The following FAM219A variants were observed in gnomAD, a reference collection of about 807,000 sequenced individuals.
FAM219A encodes the protein protein FAM219A.
A neutral mutation model predicts 23.4 loss-of-function variants in FAM219A; 7 were observed. The ratio of observed to expected loss-of-function variants is 0.30; its 90% CI spans 0.17 to 0.56. The LOEUF is 0.56. Among genes scored for constraint, FAM219A ranks in the 20% least tolerant of loss-of-function variants. The probability of loss-of-function intolerance (pLI) is 0.92; values close to 1 mark genes in which losing one functional copy is unlikely to be tolerated. For missense variants in FAM219A, 166 were observed against 246.9 expected, an observed-to-expected ratio of 0.67 and a Z score of 2.20; for synonymous variants, 93 against 99.0, an observed-to-expected ratio of 0.94 and a Z score of 0.36.
chr9:34,432,316 C>A (rs1822743873), intron 1 of FAM219A, among the ~76,000 whole-genome samples: 1 of 152,182 alleles, frequency 6.6e-6, no homozygotes. Flanking sequence ...ACATCCACCA[C>A]CCTCACCTCT....
chr9:34,405,475 G>C (rs1821600009), intron 2 of FAM219A, among the ~76,000 whole-genome samples: 1 of 152,182 alleles, frequency 6.6e-6, no homozygotes, highest in Non-Finnish European at 1.5e-5. Flanking sequence ...CGGCTTCTAG[G>C]GTTGGAACTC....
At chr9:34,433,850 T>C (rs552250829) in intron 1 of FAM219A, among the ~76,000 whole-genome samples, 2 of 152,100 alleles carry the variant, frequency 1.3e-5, no homozygotes, top group Middle Eastern at 3.4e-3. Flanking sequence ...GTGAATCAAG[T>C]AGGAAATAAG....
At chr9:34,419,336 C>A (rs143487440) in intron 1 of FAM219A, among the ~76,000 whole-genome samples, 6 of 150,656 alleles carry the variant, frequency 4.0e-5, no homozygotes, top group Non-Finnish European at 8.9e-5. Context: ...GGGAGTTGGA[C>A]GGGGCTGGGG....
chr9:34,402,136 A>C (rs1821464839), intron 4 of FAM219A: 1 of 1,446,418 alleles, frequency 6.9e-7, no homozygotes, highest in South Asian at 1.5e-5. Context: ...CCAATTAGGG[A>C]CAACCATTGG....
chr9:34,427,619 A>G, intron 1 of FAM219A, among the ~76,000 whole-genome samples: 1 of 152,246 alleles, frequency 6.6e-6, no homozygotes, highest in East Asian at 1.9e-4. Context: ...ATGAAAGGCC[A>G]TAATCTGAAA....
At chr9:34,445,632 G>A (rs1281611668) in intron 1 of FAM219A, among the ~76,000 whole-genome samples, 2 of 152,182 alleles carry the variant, frequency 1.3e-5, no homozygotes, top group Non-Finnish European at 2.9e-5. Context: ...AGGGGTAAAA[G>A]CCTAGTGTAG....
chr9:34,403,356 G>A (rs191512173), intron 2 of FAM219A, among the ~76,000 whole-genome samples: 1 of 152,338 alleles, frequency 6.6e-6, no homozygotes, highest in East Asian at 1.9e-4. Context: ...CTAAGGGGCC[G>A]AAGACCCTCT....
At chr9:34,433,244 G>A (rs1485087096) in intron 1 of FAM219A, among the ~76,000 whole-genome samples, 1 of 152,118 alleles carries the variant, frequency 6.6e-6, no homozygotes. Flanking sequence ...TTTGGCCATT[G>A]AGAACACTTT....
chr9:34,436,628 G>A (rs925229737), intron 1 of FAM219A, among the ~76,000 whole-genome samples: 6 of 152,204 alleles, frequency 3.9e-5, no homozygotes, highest in African/African-American at 1.2e-4. Context: ...AGCTGAGGGG[G>A]TCAATGGGAA....
chr9:34,445,283 A>G (rs564103166), intron 1 of FAM219A, among the ~76,000 whole-genome samples: 1 of 152,354 alleles, frequency 6.6e-6, no homozygotes, highest in Admixed American at 6.5e-5. Context: ...GGTAGAAGCT[A>G]TCTTGTCAAG....
intron 1 of FAM219A, among the ~76,000 whole-genome samples, chr9:34,413,308 A>C (rs1821890020): frequency 6.6e-6 from 1 of 152,186 alleles, no homozygotes; most frequent in African/African-American, 2.4e-5. Context: ...AGGGGTTGGG[A>C]AAAAGAGGAA....
intron 1 of FAM219A, among the ~76,000 whole-genome samples, chr9:34,426,044 T>C (rs1822453550): frequency 6.6e-6 from 1 of 152,222 alleles, no homozygotes; most frequent in Admixed American, 6.5e-5. Flanking sequence ...CTTCACCTAC[T>C]CTGCAACCTT....
At chr9:34,409,073 G>C (rs1027622592) in intron 1 of FAM219A, among the ~76,000 whole-genome samples, 4 of 152,208 alleles carry the variant, frequency 2.6e-5, no homozygotes, top group African/African-American at 9.6e-5. Flanking sequence ...ATTTGATCCT[G>C]GATGAAACTG....
rs755989190 is a variant in FAM219A, at chr9:34,402,765, C to A, written c.203G>T (p.Gly68Val). The A allele has an allele frequency of 1.2e-6, 2 of 1,614,188 alleles. No individual in the cohort carries two copies. The highest frequency in any genetic ancestry group is 4.5e-5 in the East Asian group (2 of 44,878). The change falls in exon 3 of 6, where the codon GGC becomes GTC. Residue 68 changes from glycine to valine, a missense_variant. Coordinates refer to ENST00000651358, the MANE Select transcript of FAM219A (RefSeq NM_001184940.2). ...ELARKGSLKN[G>V]SMGSPVNQQP... The stretch of plus-strand genomic sequence containing the variant: ...CTGGTTGACAGGGCTACCCATGCTG[C>A]CATTCTTCAGGGAGCCCTTCCGGGC...
intron 1 of FAM219A, among the ~76,000 whole-genome samples, chr9:34,409,049 C>T (rs1438161545): frequency 6.6e-6 from 1 of 152,226 alleles, no homozygotes; most frequent in African/African-American, 2.4e-5. Context: ...GCCTACTGGG[C>T]AGTTCCTGAT....
At chr9:34,429,633 G>C (rs1822617865) in intron 1 of FAM219A, among the ~76,000 whole-genome samples, 3 of 152,056 alleles carry the variant, frequency 2.0e-5, no homozygotes, top group Admixed American at 2.0e-4. Context: ...GTGGGCTCTG[G>C]GGGCCATGTG....
At chr9:34,412,301 G>A (rs1439434157) in intron 1 of FAM219A, among the ~76,000 whole-genome samples, 1 of 152,164 alleles carries the variant, frequency 6.6e-6, no homozygotes, top group Admixed American at 6.5e-5. Flanking sequence ...GAATTGGCAG[G>A]CTTCTGATAT....
intron 1 of FAM219A, among the ~76,000 whole-genome samples, chr9:34,413,997 A>C (rs1352284923): frequency 6.6e-6 from 1 of 152,228 alleles, no homozygotes; most frequent in Non-Finnish European, 1.5e-5. Flanking sequence ...TCCATTCCAA[A>C]ACATCTCATG....
At chr9:34,435,248 A>C (rs1402594115) in intron 1 of FAM219A, among the ~76,000 whole-genome samples, 1 of 152,240 alleles carries the variant, frequency 6.6e-6, no homozygotes, top group Non-Finnish European at 1.5e-5. Flanking sequence ...GGTGCATAGC[A>C]GGAACAAGAT....
Sources: gnomAD v4.1 joint callset for allele counts (sites outside exome capture counted in the v4.1 genomes callset) on GRCh38, gnomAD v4.1.1 for gene constraint, MANE v1.5 for transcripts, NCBI Gene and HGNC (gene_info 2026-07-23, HGNC 2026-07-21) for gene names.